Variants in CALN1 observed in about 807,000 individuals in gnomAD.
CALN1 encodes calneuron 1.
In CALN1, 17 loss-of-function variants were observed where a neutral mutation model predicts 30.6. The observed-to-expected ratio is 0.56, with a 90% CI of 0.38 to 0.83. The LOEUF is 0.83. Among genes scored for constraint, CALN1 ranks in the 40% least tolerant of loss-of-function variants. The pLI, the probability that CALN1 is intolerant of heterozygous loss-of-function variation, is 0.00. For missense variants in CALN1, 291 were observed against 354.9 expected (o/e 0.82, Z 1.45); for synonymous variants, 156 against 131.4 (o/e 1.19, Z -1.28).
chr7:72,352,940 A>G (rs558118209), intron 2 of CALN1, among the ~76,000 whole-genome samples: 2 of 152,332 alleles, frequency 1.3e-5, no homozygotes, highest in South Asian at 2.1e-4. Context: ...AAAAAGAATA[A>G]CAAGGGAATA....
At chr7:71,862,611 A>G (rs1791356753) in intron 5 of CALN1, among the ~76,000 whole-genome samples, 1 of 152,200 alleles carries the variant, frequency 6.6e-6, no homozygotes, top group Non-Finnish European at 1.5e-5. Context: ...CTTTATTAGC[A>G]GCATGAGAAC....
chr7:72,203,979 C>CTTTTTTTTTTTTTT lies in CALN1; in HGVS notation c.244+74693_244+74706dup, dbSNP rs869149598. Among the ~76,000 whole-genome samples, 15 of 83,778 alleles carry CTTTTTTTTTTTTTT rather than the reference C, an allele frequency of 1.8e-4. 4 individuals carry two copies. Among genetic ancestry groups the CTTTTTTTTTTTTTT allele is most frequent in the African/African-American group, 7.3e-4 (14 of 19,086 alleles). The allele number at this position is 83,778 out of a possible 152,430, so 55.0% of individuals were successfully genotyped here. Reference sequence around the variant, plus strand: ...TAGCCTTCATATAAGAGGCCTCTCTCTTTTTTTTTTTTTTTTTTTTTTTTT... The same window carrying CTTTTTTTTTTTTTT: ...TAGCCTTCATATAAGAGGCCTCTCTCTTTTTTTTTTTTTTTTTTTTTTTTTTTTTTTTTTTTTTT... On this transcript the variant is annotated intron_variant, in intron 3 of 6. Transcript: ENST00000395275.
chr7:71,958,597 C>T (rs1797087184), intron 5 of CALN1, among the ~76,000 whole-genome samples: 2 of 152,184 alleles, frequency 1.3e-5, no homozygotes, highest in Admixed American at 1.3e-4. Flanking sequence ...CTCCACCCAT[C>T]TTAGGAAAGT....
intron 2 of CALN1, among the ~76,000 whole-genome samples, chr7:72,330,188 G>T (rs1000103403): frequency 4.6e-5 from 7 of 152,024 alleles, no homozygotes; most frequent in Non-Finnish European, 7.4e-5. Context: ...AGCTACTCCG[G>T]ATGCTGAGGC....
At chr7:71,936,156 C>T (rs978579465) in intron 5 of CALN1, among the ~76,000 whole-genome samples, 3 of 152,110 alleles carry the variant, frequency 2.0e-5, no homozygotes. Context: ...TCATAATAAA[C>T]AGCTTCTCAG....
chr7:71,900,900 G>A (rs534284397), intron 5 of CALN1, among the ~76,000 whole-genome samples: 5 of 152,248 alleles, frequency 3.3e-5, no homozygotes, highest in African/African-American at 7.2e-5. Context: ...AACTGTGCAC[G>A]TGGGCCCAAG....
intron 2 of CALN1, among the ~76,000 whole-genome samples, chr7:72,283,516 C>G (rs1797872016): frequency 1.1e-5 from 1 of 89,676 alleles, no homozygotes. Flanking sequence ...GCCTGAGTGA[C>G]AGAGCAAGAC....
chr7:72,447,345 G>A (rs1283758917), upstream of CALN1, among the ~76,000 whole-genome samples: 1 of 152,154 alleles, frequency 6.6e-6, no homozygotes, highest in Non-Finnish European at 1.5e-5. Flanking sequence ...ACGGGGCTGA[G>A]AAGGTGGAAA....
chr7:72,276,029 C>T (rs1421142827), intron 3 of CALN1, among the ~76,000 whole-genome samples: 1 of 152,120 alleles, frequency 6.6e-6, no homozygotes. Flanking sequence ...TCATTCATGG[C>T]AAAGTTGGGA....
At chr7:72,241,567 G>A (rs1032169294) in intron 3 of CALN1, among the ~76,000 whole-genome samples, 2 of 152,074 alleles carry the variant, frequency 1.3e-5, no homozygotes, top group Non-Finnish European at 2.9e-5. Flanking sequence ...TTAGCCAGGC[G>A]TGGTGGCGCA....
intron 4 of CALN1, among the ~76,000 whole-genome samples, chr7:72,049,177 C>T (rs1802676108): frequency 6.6e-6 from 1 of 152,050 alleles, no homozygotes; most frequent in African/African-American, 2.4e-5. Flanking sequence ...TAAATAGCAA[C>T]AGCCACAGCA....
At chr7:72,433,907 A>G (rs992371252) in intron 1 of CALN1, among the ~76,000 whole-genome samples, 1 of 151,710 alleles carries the variant, frequency 6.6e-6, no homozygotes, top group Non-Finnish European at 1.5e-5. Flanking sequence ...TAATAATAAT[A>G]ATTAGCCAGG....
intron 2 of CALN1, among the ~76,000 whole-genome samples, chr7:72,345,573 G>A (rs1185705948): frequency 1.5e-5 from 2 of 137,308 alleles, no homozygotes; most frequent in African/African-American, 2.6e-5. Context: ...GGGAGGGAGG[G>A]AAGGGAAGGA....
intron 3 of CALN1, among the ~76,000 whole-genome samples, chr7:72,204,231 G>C (rs1562731537): frequency 6.6e-6 from 1 of 150,744 alleles, no homozygotes; most frequent in Non-Finnish European, 1.5e-5. Context: ...TCCTGACCTC[G>C]TGATTCTCCC....
intron 6 of CALN1, among the ~76,000 whole-genome samples, chr7:71,801,533 T>C (rs1358696403): frequency 2.0e-5 from 3 of 152,006 alleles, no homozygotes; most frequent in African/African-American, 4.8e-5. Flanking sequence ...ACTATTTGAC[T>C]TGGGAAAAAT....
rs1345363160 is a variant in CALN1 at position 72,062,527 on chromosome 7, A to G, written c.389-38758T>C. On this transcript the variant is annotated intron_variant, in intron 4 of 6. Transcript: ENST00000395275. ...ACTCTATCTCAAAAAAAAAAAAAAA[A>G]AAAGAAAAAAAATAAATAAATAAAA... Among the ~76,000 whole-genome samples, 13 of 149,708 alleles carry G rather than the reference A, an allele frequency of 8.7e-5. 1 individual carries two copies. Among genetic ancestry groups the G allele is most frequent in the East Asian group, 3.9e-4 (2 of 5,168 alleles).
chr7:72,264,313 T>C (rs773171359), intron 3 of CALN1, among the ~76,000 whole-genome samples: 1 of 152,164 alleles, frequency 6.6e-6, no homozygotes, highest in South Asian at 2.1e-4. Context: ...GCTCAGCTCA[T>C]AAGAACACTC....
intron 2 of CALN1, among the ~76,000 whole-genome samples, chr7:72,317,692 G>A (rs1366690127): frequency 6.6e-6 from 1 of 152,164 alleles, no homozygotes; most frequent in Admixed American, 6.5e-5. Flanking sequence ...GGAGTGCTAG[G>A]CTGAGAGGAA....
intron 4 of CALN1, among the ~76,000 whole-genome samples, chr7:72,076,056 C>A (rs1804705508): frequency 6.6e-6 from 1 of 152,030 alleles, no homozygotes; most frequent in Non-Finnish European, 1.5e-5. Flanking sequence ...TATGAAATGC[C>A]AAGCTCTGTC....
Sources: allele counts gnomAD v4.1 joint callset (sites outside exome capture counted in the v4.1 genomes callset), GRCh38; gene constraint gnomAD v4.1.1; transcripts MANE v1.5; gene names NCBI Gene and HGNC (gene_info 2026-07-23, HGNC 2026-07-21).